Variants in PNPLA1 observed in about 807,000 individuals in gnomAD.
The protein encoded by PNPLA1 is patatin like domain 1, omega-hydroxyceramide transacylase, also known as omega-hydroxyceramide transacylase.
A neutral mutation model predicts 51.7 loss-of-function variants in PNPLA1; 36 were observed. That is an observed-to-expected ratio of 0.70 (90% confidence interval 0.53 to 0.92). The LOEUF (loss-of-function observed/expected upper bound fraction) is 0.92. PNPLA1 is among the 40% of genes least tolerant of loss of function. PNPLA1 has a pLI of 0.00. For missense variants in PNPLA1, 658 were observed against 682.5 expected (o/e 0.96, Z 0.40); for synonymous variants, 293 against 280.1 (o/e 1.05, Z -0.46).
chr6:36,303,665 C>T (rs1281269864), intron 6 of PNPLA1, among the ~76,000 whole-genome samples: 2 of 152,128 alleles, frequency 1.3e-5, no homozygotes, highest in Admixed American at 6.5e-5. Flanking sequence ...AACCCCATCT[C>T]TACTAAATAC....
In PNPLA1 at chr6:36,300,178, T is replaced by TGTGTGTGTGAGAGA; in HGVS notation, c.776-1682_776-1681insTGTGTGTGAGAGAG. On this transcript the variant is annotated intron_variant, in intron 5 of 8. Coordinates refer to ENST00000636260, the MANE Select transcript of PNPLA1 (RefSeq NM_001374623.1). ...TCTTATTCTTGTGTGTGTGTGTGTG[T>TGTGTGTGTGAGAGA]GAGAGAGAGAGAGAGAGAGAGAGAG... Among the ~76,000 whole-genome samples the TGTGTGTGTGAGAGA allele has an allele frequency of 3.2e-3, 312 of 98,142 alleles. 3 individuals carry two copies. The highest frequency in any genetic ancestry group is 4.0e-3 in the Non-Finnish European group (179 of 44,352). 64.4% of individuals were successfully genotyped at this position (98,142 alleles called of 152,430 possible).
chr6:36,253,717 G>A (rs2127313286), intron 1 of PNPLA1, among the ~76,000 whole-genome samples: 1 of 152,322 alleles, frequency 6.6e-6, no homozygotes, highest in South Asian at 2.1e-4. Flanking sequence ...GGCCTCAAAT[G>A]ATCCTCCTGC....
intron 1 of PNPLA1, among the ~76,000 whole-genome samples, chr6:36,262,840 T>A (rs1006344058): frequency 3.3e-5 from 5 of 152,276 alleles, no homozygotes; most frequent in Non-Finnish European, 5.9e-5. Context: ...ATACCATCAT[T>A]CATTTAACTA....
At chr6:36,293,935 A>G (rs1334049452) in intron 3 of PNPLA1, among the ~76,000 whole-genome samples, 1 of 152,078 alleles carries the variant, frequency 6.6e-6, no homozygotes, top group African/African-American at 2.4e-5. Context: ...CGCCACTAAG[A>G]TAGTGGAGGG....
At chr6:36,246,844 C>T (rs1042104015) in intron 1 of PNPLA1, among the ~76,000 whole-genome samples, 1 of 152,186 alleles carries the variant, frequency 6.6e-6, no homozygotes, top group African/African-American at 2.4e-5. Flanking sequence ...ATTACAAAAA[C>T]AAAAGGTTCT....
intron 1 of PNPLA1, among the ~76,000 whole-genome samples, chr6:36,284,496 G>C (rs139942429): frequency 1.3e-5 from 2 of 152,106 alleles, no homozygotes; most frequent in East Asian, 1.9e-4. Context: ...CTAGGTCCTA[G>C]GGTATGTCCT....
chr6:36,272,068 G>A (rs1312889210), intron 1 of PNPLA1, among the ~76,000 whole-genome samples: 1 of 152,168 alleles, frequency 6.6e-6, no homozygotes, highest in Non-Finnish European at 1.5e-5. Context: ...GTGGGGGATG[G>A]TTTCAGAATG....
At chr6:36,252,605 A>C (rs1427063512) in intron 1 of PNPLA1, among the ~76,000 whole-genome samples, 1 of 151,844 alleles carries the variant, frequency 6.6e-6, no homozygotes, top group Non-Finnish European at 1.5e-5. Flanking sequence ...ACAGGTACTT[A>C]ATGAAGACAC....
intron 6 of PNPLA1, among the ~76,000 whole-genome samples, chr6:36,303,163 T>C (rs944298135): frequency 1.3e-5 from 2 of 152,224 alleles, no homozygotes; most frequent in Non-Finnish European, 2.9e-5. Flanking sequence ...GGCGTGATCT[T>C]GGCTCACTGC....
chr6:36,272,724 G>T (rs1769956871), intron 1 of PNPLA1, among the ~76,000 whole-genome samples: 1 of 152,166 alleles, frequency 6.6e-6, no homozygotes, highest in Non-Finnish European at 1.5e-5. Context: ...GGCCGGCTGG[G>T]CTGTGTGAGG....
In PNPLA1 at chr6:36,270,092, C is replaced by T. The variant is rs529281790; in HGVS notation, c.-368C>T. On this transcript the variant is annotated 5_prime_UTR_variant, in exon 1 of 9. Transcript: ENST00000636260. ...GCCCTGTGCTGGGGAGCAGTGAATG[C>T]GCCCTGGTATACCATGGATGGGCAG... is the stretch of plus-strand genomic sequence containing the variant. Among the ~76,000 whole-genome samples the T allele has an allele frequency of 1.3e-4, 20 of 152,356 alleles. No individual in the cohort carries two copies. In the South Asian group the frequency reaches 3.5e-3, roughly 27 times the overall value.
At chr6:36,259,577 G>A (rs900200847) in intron 1 of PNPLA1, among the ~76,000 whole-genome samples, 4 of 151,032 alleles carry the variant, frequency 2.6e-5, no homozygotes, top group Admixed American at 6.6e-5. Context: ...ATCCAACATC[G>A]ATTTAGTAAA....
intron 1 of PNPLA1, among the ~76,000 whole-genome samples, chr6:36,253,462 A>G (rs1025223001): frequency 3.3e-5 from 5 of 152,184 alleles, no homozygotes; most frequent in Non-Finnish European, 7.3e-5. Context: ...CTCATCTAAG[A>G]CACAACTGTT....
rs148471904 is a variant in PNPLA1 at position 36,302,412 on chromosome 6, C to A, written c.1327C>A (p.Leu443Ile). The A allele has an allele frequency of 1.5e-4, 238 of 1,575,870 alleles. No individual in the cohort carries two copies. Among genetic ancestry groups the A allele is most frequent in the Middle Eastern group, 8.5e-4 (5 of 5,858 alleles). Residue 443 changes from leucine to isoleucine, a missense_variant, in exon 6 of 9, where the codon CTT (leucine) becomes ATT (isoleucine). Transcript: ENST00000636260. ...GAPQTLPRSS[L>I]SAFPAQPPVE... ...ACCTCAAACACTGCCCCGAAGTTCT[C>A]TTTCAGCCTTCCCTGCTCAGCCACC...
chr6:36,297,475 T>C (rs1233041686), intron 5 of PNPLA1, among the ~76,000 whole-genome samples: 2 of 152,150 alleles, frequency 1.3e-5, no homozygotes, highest in African/African-American at 4.8e-5. Flanking sequence ...GGCTGCTTTC[T>C]GGGTAGGGGT....
In PNPLA1 at chr6:36,282,141, G is replaced by GAA. The variant is rs200021479; in HGVS notation, c.206-9178_206-9177insAA. ...GGAAGGAAGGAAGGAAGGAAGGAAA[G>GAA]AGAGACAGAGAGAGAGAGAAAGAAA... On this transcript the variant is annotated intron_variant, in intron 1 of 8. Coordinates refer to ENST00000636260, the MANE Select transcript of PNPLA1 (RefSeq NM_001374623.1). 3.5e-3 allele frequency among the ~76,000 whole-genome samples: 513 copies of GAA among 145,630 alleles called. 8 individuals carry two copies. Among genetic ancestry groups the GAA allele is most frequent in the African/African-American group, 0.012 (477 of 38,236 alleles).
chr6:36,297,949 C>T (rs1457262675), intron 5 of PNPLA1, among the ~76,000 whole-genome samples: 1 of 152,088 alleles, frequency 6.6e-6, no homozygotes, highest in African/African-American at 2.4e-5. Flanking sequence ...AAAATTTCCT[C>T]ATGCCCTTTC....
In PNPLA1 at chr6:36,288,443, A is replaced by AT. The variant is rs34132369; in HGVS notation, c.206-2857dup. Among the ~76,000 whole-genome samples, 1,198 of 125,756 alleles carry AT rather than the reference A, an allele frequency of 9.5e-3. 19 individuals carry two copies. The highest frequency in any genetic ancestry group is 0.023 in the African/African-American group (773 of 33,276). The allele number at this position is 125,756 out of a possible 152,430, so 82.5% of individuals were successfully genotyped here. On this transcript the variant is annotated intron_variant, in intron 1 of 8. Transcript: ENST00000636260. ...AACCTGGGCAACATAAGGAGACCCTATTTTTTTTTTTTTTTTTTTTGAGAC... is the reference window on the plus strand; with the variant it reads ...AACCTGGGCAACATAAGGAGACCCTATTTTTTTTTTTTTTTTTTTTTGAGAC...
chr6:36,284,152 C>A (rs1770404183), intron 1 of PNPLA1, among the ~76,000 whole-genome samples: 6 of 152,190 alleles, frequency 3.9e-5, no homozygotes, highest in Admixed American at 3.9e-4. Context: ...GGCCCTCTAC[C>A]TGAGGGCAAG....
Sources: allele counts gnomAD v4.1 joint callset (sites outside exome capture counted in the v4.1 genomes callset), GRCh38; gene constraint gnomAD v4.1.1; transcripts MANE v1.5; gene names NCBI Gene and HGNC (gene_info 2026-07-23, HGNC 2026-07-21).